Variants in TPP2 observed in about 807,000 individuals in gnomAD.
TPP2 encodes tripeptidyl peptidase 2.
In TPP2, 34 loss-of-function variants were observed where a neutral mutation model predicts 155.9. The observed-to-expected ratio is 0.22, with a 90% CI of 0.17 to 0.29. TPP2 has a LOEUF of 0.29. Ranked by LOEUF, TPP2 falls within the 10% of genes least tolerant of loss-of-function variation. The pLI, the probability that TPP2 is intolerant of heterozygous loss-of-function variation, is 1.00. For missense variants in TPP2, 1,028 were observed against 1,522.3 expected (o/e 0.68, Z 5.40); for synonymous variants, 510 against 529.4 (o/e 0.96, Z 0.50).
At chr13:102,602,741 T>C (rs1389384781) in intron 1 of TPP2, among the ~76,000 whole-genome samples, 1 of 152,182 alleles carries the variant, frequency 6.6e-6, no homozygotes, top group Non-Finnish European at 1.5e-5. Context: ...GTGAGGGGCA[T>C]GTTGGTCAGA....
intron 27 of TPP2, among the ~76,000 whole-genome samples, chr13:102,672,140 G>T (rs1397242994): frequency 6.6e-6 from 1 of 152,132 alleles, no homozygotes; most frequent in Non-Finnish European, 1.5e-5. Context: ...CAGATGAAAG[G>T]AAAGGAGTAC....
chr13:102,613,190 G>T (rs1266675280), intron 2 of TPP2, among the ~76,000 whole-genome samples: 1 of 152,194 alleles, frequency 6.6e-6, no homozygotes, highest in Non-Finnish European at 1.5e-5. Context: ...CCTTCAAAAG[G>T]TCACTATTTA....
At chr13:102,602,194 C>T (rs187016408) in intron 1 of TPP2, among the ~76,000 whole-genome samples, 2 of 152,200 alleles carry the variant, frequency 1.3e-5, no homozygotes, top group Non-Finnish European at 2.9e-5. Context: ...AGTACATGAC[C>T]TAGCTAGTTT....
chr13:102,678,163 T>G (rs1885409300), intron 29 of TPP2, 64 bp from the exon 30 acceptor site: 2 of 1,478,748 alleles, frequency 1.4e-6, no homozygotes, highest in Middle Eastern at 2.0e-4. Flanking sequence ...GAATTTATTC[T>G]AAATACTGAG....
At chr13:102,677,805 A>C (rs1178167359) in intron 29 of TPP2, among the ~76,000 whole-genome samples, 1 of 152,154 alleles carries the variant, frequency 6.6e-6, no homozygotes, top group East Asian at 1.9e-4. Flanking sequence ...TTCATTTATT[A>C]ATTTGCTTAT....
intron 27 of TPP2, among the ~76,000 whole-genome samples, chr13:102,665,300 C>T (rs1430634588): frequency 1.3e-5 from 2 of 152,172 alleles, no homozygotes; most frequent in Non-Finnish European, 2.9e-5. Context: ...ACATGAAAAA[C>T]CTAATATTTG....
chr13:102,612,890 C>T (rs1157591460), intron 2 of TPP2, among the ~76,000 whole-genome samples: 1 of 152,128 alleles, frequency 6.6e-6, no homozygotes, highest in Admixed American at 6.5e-5. Flanking sequence ...TTTGGCATTT[C>T]ATGATTTTCT....
At chr13:102,651,466 C>G in intron 24 of TPP2, 69 bp downstream of exon 24, 1 of 1,485,850 alleles carries the variant, frequency 6.7e-7, no homozygotes, top group Non-Finnish European at 9.1e-7. Flanking sequence ...TTTTCTGTCA[C>G]TATTATAAAC....
chr13:102,673,380 CATT>C (rs1292736600), intron 27 of TPP2, among the ~76,000 whole-genome samples: 2 of 152,210 alleles, frequency 1.3e-5, no homozygotes, highest in Non-Finnish European at 2.9e-5. Context: ...CAATCATCAT[CATT>C]TTCTCAGTAC....
chr13:102,630,261 C>A, intron 10 of TPP2, 66 bp downstream of exon 10: 1 of 1,205,360 alleles, frequency 8.3e-7, no homozygotes, highest in South Asian at 1.5e-5. Flanking sequence ...TTGAGAAGGG[C>A]AGAGTTTTAG....
intron 25 of TPP2, 38 bp from the exon 26 acceptor site, chr13:102,663,610 G>GA: frequency 6.9e-7 from 1 of 1,446,924 alleles, no homozygotes; most frequent in Non-Finnish European, 9.3e-7. Context: ...CTTTTTAAAA[G>GA]AAAAAAGTAA....
intron 2 of TPP2, among the ~76,000 whole-genome samples, chr13:102,610,300 C>T (rs1337119816): frequency 1.3e-5 from 2 of 151,998 alleles, no homozygotes; most frequent in African/African-American, 4.8e-5. Context: ...GTGATCTTGG[C>T]TCACTGCAAC....
chr13:102,631,757 G>T (rs1238579556), intron 10 of TPP2, among the ~76,000 whole-genome samples: 1 of 152,266 alleles, frequency 6.6e-6, no homozygotes, highest in Non-Finnish European at 1.5e-5. Flanking sequence ...TCATAAACAT[G>T]AAATAATATT....
intron 14 of TPP2, 102 bp from the exon 15 acceptor site, chr13:102,638,137 G>C (rs1882507535): frequency 5.3e-6 from 6 of 1,137,838 alleles, no homozygotes; most frequent in Non-Finnish European, 7.8e-6. Context: ...TTAAGACCTT[G>C]ATTAAAAGTA....
At chr13:102,665,292 A>G (rs1884518062) in intron 27 of TPP2, among the ~76,000 whole-genome samples, 1 of 152,258 alleles carries the variant, frequency 6.6e-6, no homozygotes, top group African/African-American at 2.4e-5. Context: ...GTCCAGTAAC[A>G]TGAAAAACCT....
At chr13:102,651,942 CAATT>C (rs1290516194) in intron 24 of TPP2, among the ~76,000 whole-genome samples, 2 of 152,128 alleles carry the variant, frequency 1.3e-5, no homozygotes, top group Non-Finnish European at 2.9e-5. Flanking sequence ...TGTTCACTGA[CAATT>C]AAAGCTTATG....
intron 24 of TPP2, among the ~76,000 whole-genome samples, chr13:102,655,732 T>C (rs1883810968): frequency 6.6e-6 from 1 of 152,204 alleles, no homozygotes; most frequent in South Asian, 2.1e-4. Flanking sequence ...CACTGTCCCC[T>C]GACACTGTTC....
At chr13:102,664,600 G>A (rs1248949357) in intron 26 of TPP2, among the ~76,000 whole-genome samples, 195 bp from the exon 27 acceptor site, 1 of 152,096 alleles carries the variant, frequency 6.6e-6, no homozygotes, top group Non-Finnish European at 1.5e-5. Context: ...ATGCATCTGA[G>A]CTCAAGTTTT....
At position 102,648,999 on chromosome 13, in the gene TPP2, A is replaced by G. The variant is rs777883496; in HGVS notation, c.2721A>G (p.Pro907=). ...ATTTGGAACGCCTTAAAGACCTTCC[A>G]TTTATTGTTTCTCATAGATTGTCTA... ...ISDLERLKDL[P]FIVSHRLSNT... The change falls in exon 22 of 30, where the codon CCA becomes CCG. Residue 907 remains proline, a synonymous_variant. Transcript: ENST00000376052. The G allele has an allele frequency of 1.2e-5, 20 of 1,613,726 alleles. No individual in the cohort carries two copies. Among genetic ancestry groups the G allele is most frequent in the South Asian group, 9.9e-5 (9 of 91,056 alleles).
Sources: gnomAD v4.1 joint callset for allele counts (sites outside exome capture counted in the v4.1 genomes callset) on GRCh38, gnomAD v4.1.1 for gene constraint, MANE v1.5 for transcripts, NCBI Gene and HGNC (gene_info 2026-07-23, HGNC 2026-07-21) for gene names.